DEPTOR: variants seen among roughly 807,000 people sequenced by gnomAD.
The protein encoded by DEPTOR is DEP domain-containing mTOR-interacting protein.
In DEPTOR, 41 loss-of-function variants were observed where a neutral mutation model predicts 41.6. That is an observed-to-expected ratio of 0.98 (90% CI 0.77 to 1.28). DEPTOR has a LOEUF of 1.28. Ranked by LOEUF, DEPTOR falls within the 50% of genes most tolerant of loss-of-function variation. DEPTOR has a pLI of 0.00. For synonymous variants in DEPTOR, 195 were observed against 192.3 expected (o/e 1.01, Z -0.12); for missense variants, 514 against 527.9 (o/e 0.97, Z 0.26).
At chr8:119,941,658 C>T (rs1828206173) in intron 3 of DEPTOR, among the ~76,000 whole-genome samples, 3 of 152,078 alleles carry the variant, frequency 2.0e-5, no homozygotes, top group African/African-American at 7.2e-5. Context: ...GCGAGTAGCC[C>T]TTACTGATGC....
intron 8 of DEPTOR, among the ~76,000 whole-genome samples, chr8:120,023,022 T>C (rs1812743863): frequency 6.6e-6 from 1 of 152,088 alleles, no homozygotes; most frequent in African/African-American, 2.4e-5. Context: ...AAACAACAGA[T>C]TAATTTGCTC....
chr8:119,918,963 G>GTA (rs1198362954), intron 1 of DEPTOR, among the ~76,000 whole-genome samples: 1 of 91,436 alleles, frequency 1.1e-5, no homozygotes, highest in Non-Finnish European at 2.6e-5. Flanking sequence ...GTGTGTGTGT[G>GTA]TGTATGTGTA....
At chr8:119,948,703 A>C (rs908707153) in intron 3 of DEPTOR, among the ~76,000 whole-genome samples, 1 of 151,994 alleles carries the variant, frequency 6.6e-6, no homozygotes, top group Non-Finnish European at 1.5e-5. Context: ...TCACTCCCCT[A>C]TGCCTTCATC....
chr8:119,921,632 G>A (rs1265054724), intron 1 of DEPTOR, among the ~76,000 whole-genome samples: 1 of 152,140 alleles, frequency 6.6e-6, no homozygotes, highest in African/African-American at 2.4e-5. Context: ...GGAATAGTGT[G>A]TAGTGCTTCT....
intron 4 of DEPTOR, among the ~76,000 whole-genome samples, chr8:119,998,682 A>G (rs1013387570): frequency 6.6e-6 from 1 of 152,106 alleles, no homozygotes; most frequent in Admixed American, 6.5e-5. Context: ...AATAAATCTC[A>G]ATGGATTTCT....
At chr8:119,916,895 T>G (rs779870092) in intron 1 of DEPTOR, among the ~76,000 whole-genome samples, 1 of 152,234 alleles carries the variant, frequency 6.6e-6, no homozygotes, top group Non-Finnish European at 1.5e-5. Context: ...GGTCTGGATT[T>G]GTCACCCAGG....
At chr8:120,049,224 AGG>A (rs1462098016) in intron 8 of DEPTOR, among the ~76,000 whole-genome samples, 1 of 152,160 alleles carries the variant, frequency 6.6e-6, no homozygotes, top group East Asian at 1.9e-4. Flanking sequence ...CTTATAAGGT[AGG>A]TATTACTCTT....
At chr8:119,912,959 T>C (rs11785871) in intron 1 of DEPTOR, among the ~76,000 whole-genome samples, 75,802 of 152,100 alleles carry the variant, frequency 0.5, 20,623 homozygotes, top group East Asian at 0.92. Flanking sequence ...CTTGCTCTGT[T>C]GCCCCTGCTG....
chr8:120,002,986 G>T lies in DEPTOR; in HGVS notation c.800G>T (p.Ser267Ile). 6.4e-7 allele frequency: 1 copy of T among 1,569,300 alleles called. No individual in the cohort carries two copies. The highest frequency in any genetic ancestry group is 8.6e-7 in the Non-Finnish European group (1 of 1,157,732). The change falls in exon 6 of 9, where the codon AGC (serine) becomes ATC (isoleucine). Residue 267 changes from serine to isoleucine, a missense_variant. By Grantham distance (142) the Ser-to-Ile change is moderately radical. Coordinates refer to ENST00000286234, the MANE Select transcript of DEPTOR (RefSeq NM_022783.4). The part of the protein sequence containing the change: ...KSTSFMSVSP[S>I]KEIKIVSAVR... ...TCTCTGGCCTACACAGTGAGCCCCA[G>T]CAAGGAGATCAAGATCGTGTCTGCA...
chr8:119,993,344 C>T (rs1812204258), intron 4 of DEPTOR, among the ~76,000 whole-genome samples: 1 of 152,150 alleles, frequency 6.6e-6, no homozygotes, highest in Admixed American at 6.6e-5. Context: ...CTCTAGCTTT[C>T]TGGCTACATC....
intron 4 of DEPTOR, among the ~76,000 whole-genome samples, chr8:119,980,554 G>A (rs977337633): frequency 8.5e-6 from 1 of 117,570 alleles, no homozygotes; most frequent in African/African-American, 3.4e-5. Flanking sequence ...TTTTGTTCTT[G>A]TTGCCCAGGC....
chr8:120,042,309 C>A (rs957361646), intron 8 of DEPTOR, among the ~76,000 whole-genome samples: 1 of 152,080 alleles, frequency 6.6e-6, no homozygotes, highest in Non-Finnish European at 1.5e-5. Flanking sequence ...TGTGGTTACT[C>A]ATAATGTGTG....
At chr8:119,913,930 G>A (rs971539764) in intron 1 of DEPTOR, among the ~76,000 whole-genome samples, 9 of 151,950 alleles carry the variant, frequency 5.9e-5, no homozygotes, top group African/African-American at 2.2e-4. Flanking sequence ...CCATCAGCGG[G>A]ACAAGCCCTC....
At chr8:119,961,682 C>T (rs1463076447) in intron 3 of DEPTOR, among the ~76,000 whole-genome samples, 5 of 152,108 alleles carry the variant, frequency 3.3e-5, no homozygotes, top group African/African-American at 4.8e-5. Flanking sequence ...GCTGCAGTTC[C>T]ATTTTTCTCA....
intron 8 of DEPTOR, among the ~76,000 whole-genome samples, chr8:120,024,652 A>T (rs1812772105): frequency 6.6e-6 from 1 of 152,142 alleles, no homozygotes; most frequent in Non-Finnish European, 1.5e-5. Context: ...TAAGCCAAGG[A>T]GTGCCAGGGA....
chr8:119,968,173 CATTT>C (rs991112641), intron 4 of DEPTOR, among the ~76,000 whole-genome samples: 1 of 152,114 alleles, frequency 6.6e-6, no homozygotes, highest in African/African-American at 2.4e-5. Context: ...CTATCTATTT[CATTT>C]ATTTATTTAT....
intron 3 of DEPTOR, among the ~76,000 whole-genome samples, chr8:119,932,759 G>A (rs985048147): frequency 7.2e-5 from 11 of 152,130 alleles, no homozygotes; most frequent in Non-Finnish European, 1.2e-4. Flanking sequence ...AAGAAAAATA[G>A]ACTTACTGAG....
chr8:120,047,276 C>A (rs1361693603), intron 8 of DEPTOR, among the ~76,000 whole-genome samples: 1 of 152,046 alleles, frequency 6.6e-6, no homozygotes, highest in Non-Finnish European at 1.5e-5. Context: ...CCCGCTTCGG[C>A]CTCCCAAAGT....
Position 119,991,034 on chromosome 8 carries a change from C to CT in DEPTOR, c.605-10488dup, listed in dbSNP as rs762692903. The stretch of plus-strand genomic sequence containing the variant: ...TTAAGTACAGCTCGGGTTTTCTTTT[C>CT]TTTCTTTCTTTCTTTCTTTCTTTCT... On this transcript the variant is annotated intron_variant, in intron 4 of 8. Coordinates refer to ENST00000286234, the MANE Select transcript of DEPTOR (RefSeq NM_022783.4). Among the ~76,000 whole-genome samples, 229 of 26,916 alleles carry CT rather than the reference C, an allele frequency of 8.5e-3. 7 individuals are homozygous for CT. The highest frequency in any genetic ancestry group is 0.026 in the South Asian group (25 of 964). 17.7% of individuals were successfully genotyped at this position (26,916 alleles called of 152,430 possible). A position where few individuals can be genotyped will look rare whatever the true frequency, so the allele number is the denominator to read the frequency against.
Sources: allele counts gnomAD v4.1 joint callset (sites outside exome capture counted in the v4.1 genomes callset), GRCh38; gene constraint gnomAD v4.1.1; transcripts MANE v1.5; gene names NCBI Gene and HGNC (gene_info 2026-07-23, HGNC 2026-07-21).